ZAP70: variants seen among roughly 807,000 people sequenced by gnomAD.
ZAP70 encodes the protein tyrosine-protein kinase ZAP-70.
ZAP70 carries 27 observed loss-of-function variants against 65.8 expected under a neutral mutation model. The ratio of observed to expected loss-of-function variants is 0.41; its 90% CI spans 0.30 to 0.57. The LOEUF (loss-of-function observed/expected upper bound fraction) is 0.57, where lower values mean the gene tolerates loss of function less well. Ranked by LOEUF, ZAP70 falls within the 20% of genes least tolerant of loss-of-function variation. ZAP70 has a pLI of 0.28. For synonymous variants in ZAP70, 363 were observed against 360.8 expected, an observed-to-expected ratio of 1.01 and a Z score of -0.07; for missense variants, 696 against 870.5, an observed-to-expected ratio of 0.80 and a Z score of 2.52.
intron 3 of ZAP70, chr2:97,724,754 G>C: frequency 6.6e-7 from 1 of 1,505,222 alleles, no homozygotes; most frequent in Non-Finnish European, 8.9e-7. Flanking sequence ...GAGGGTGCGC[G>C]GGGCTAGGGT....
downstream of ZAP70, among the ~76,000 whole-genome samples, chr2:97,742,763 T>G (rs1027949093): frequency 1.1e-4 from 17 of 152,202 alleles, no homozygotes; most frequent in Admixed American, 7.9e-4. Flanking sequence ...AACATCTGCC[T>G]GGGGTGGGGA....
In ZAP70 at chr2:97,737,686, T is replaced by C. The variant is rs765744939; in HGVS notation, c.1482+21T>C. 2 of 1,614,076 alleles carry C rather than the reference T, an allele frequency of 1.2e-6. No homozygotes were observed. The highest frequency in any genetic ancestry group is 2.2e-5 in the South Asian group (2 of 91,080). On this transcript the variant is annotated intron_variant, in intron 11 of 13. Transcript: ENST00000264972. The surrounding 1 kb of genome is among the most constrained non-coding windows in gnomAD (Gnocchi z 5.0). ...ACACTGTAAGCCTCTGCCCCTGTGA[T>C]GCCCGACTGGATGGGCTGGGTGGGT... is the stretch of plus-strand genomic sequence containing the variant.
intron 2 of ZAP70, among the ~76,000 whole-genome samples, chr2:97,719,429 G>A (rs766589018): frequency 2.4e-4 from 36 of 151,788 alleles, no homozygotes; most frequent in Non-Finnish European, 2.6e-4. Context: ...GGTCTGTGGG[G>A]CTCAAGCAGG....
intron 8 of ZAP70, chr2:97,733,900 C>T (rs1677731436): frequency 7.8e-6 from 4 of 515,370 alleles, no homozygotes; most frequent in South Asian, 4.3e-5. Context: ...TATGAGCCAC[C>T]GAACCCTCCT....
At chr2:97,718,263 C>G (rs1677022065) in intron 2 of ZAP70, among the ~76,000 whole-genome samples, 1 of 152,176 alleles carries the variant, frequency 6.6e-6, no homozygotes, top group Non-Finnish European at 1.5e-5. Context: ...GATCCCCTGC[C>G]TGGGGTCTGG....
chr2:97,715,640 G>A lies in ZAP70; in HGVS notation c.-22+1646G>A, dbSNP rs1676878554. The stretch of plus-strand genomic sequence containing the variant: ...CAGGGTCTCCTAATAGACATTTGCT[G>A]GAGTGGTTAGTGCTGGCTGCTGCAT... On this transcript the variant is annotated intron_variant, in intron 2 of 13. Transcript: ENST00000264972. This position sits in a 1 kb window ranked among gnomAD's most constrained non-coding sequence, Gnocchi z 4.1. Among the ~76,000 whole-genome samples the A allele has an allele frequency of 6.6e-6, 1 of 152,180 alleles. No homozygotes were observed. Among genetic ancestry groups the A allele is most frequent in the Admixed American group, 6.5e-5 (1 of 15,282 alleles).
chr2:97,741,290 G>A (rs541709405), downstream of ZAP70, among the ~76,000 whole-genome samples: 11 of 152,242 alleles, frequency 7.2e-5, no homozygotes, highest in Admixed American at 5.9e-4. Flanking sequence ...TTCTCTTGGC[G>A]GCTCTGACCA....
rs141613906 is a variant in ZAP70 at position 97,733,011 on chromosome 2, C to A, written c.692C>A (p.Thr231Lys). The change falls in exon 5 of 14, where the codon ACG (threonine) becomes AAG (lysine). Residue 231 changes from threonine to lysine, a missense_variant. Physicochemically the swap from Thr to Lys is moderately conservative, Grantham distance 78. Around this residue, in one of 3 missense-constraint regions of ZAP70, gnomAD observed 551 missense variants for 630.0 expected, o/e 0.87. Coordinates refer to ENST00000264972, the MANE Select transcript of ZAP70 (RefSeq NM_001079.4). ...ATTCCCGAGGGCACCAAGTTTGACA[C>A]GCTCTGGCAGGTAGGCTGCCCGTGC... is the stretch of plus-strand genomic sequence containing the variant. ...YCIPEGTKFD[T>K]LWQLVEYLKL... 6.2e-7 allele frequency: 1 copy of A among 1,614,138 alleles called. No individual in the cohort carries two copies. Among genetic ancestry groups the A allele is most frequent in the Non-Finnish European group, 8.5e-7 (1 of 1,180,034 alleles).
At chr2:97,741,012 G>A (rs931496967), downstream of ZAP70, among the ~76,000 whole-genome samples, 5 of 152,204 alleles carry the variant, frequency 3.3e-5, no homozygotes, top group African/African-American at 1.2e-4. Flanking sequence ...AGAAACAGGT[G>A]GTGAGAATGT....
rs373266022 is a variant in ZAP70, at chr2:97,733,227, C to A, written c.790+15C>A. ...CAACGCCTCAGGTGACGGCAGCAGG[C>A]GGGCGGGCGGTGGGCGGGGGCGGCA... On this transcript the variant is annotated intron_variant, in intron 6 of 13. Coordinates refer to ENST00000264972, the MANE Select transcript of ZAP70 (RefSeq NM_001079.4). 1.9e-6 allele frequency: 3 copies of A among 1,611,306 alleles called. No individual in the cohort carries two copies. Among genetic ancestry groups the A allele is most frequent in the Non-Finnish European group, 2.5e-6 (3 of 1,178,780 alleles).
At position 97,724,104 on chromosome 2, in the gene ZAP70, A is replaced by G; in HGVS notation, c.68A>G (p.His23Arg). 4 of 1,567,770 alleles carry G rather than the reference A, an allele frequency of 2.6e-6. No homozygotes were observed. The highest frequency in any genetic ancestry group is 3.4e-6 in the Non-Finnish European group (4 of 1,159,682). The change falls in exon 3 of 14, where the codon CAC becomes CGC. Residue 23 changes from histidine (H) to arginine (R), a missense_variant. This residue lies in a region of ZAP70 where 551 missense variants were observed against 630.0 expected (regional missense o/e 0.87). Coordinates refer to ENST00000264972, the MANE Select transcript of ZAP70 (RefSeq NM_001079.4). ...GSISRAEAEE[H>R]LKLAGMADGL... ...ATCTCGCGTGCCGAGGCCGAGGAGC[A>G]CCTGAAGCTGGCGGGCATGGCGGAC...
the ZAP70 span, among the ~76,000 whole-genome samples, chr2:97,754,678 C>T: frequency 6.6e-6 from 1 of 152,208 alleles, no homozygotes; most frequent in East Asian, 1.9e-4. Context: ...GCTGGGACTA[C>T]AGGTGTGAGC....
At chr2:97,738,201 A>AT in intron 13 of ZAP70, 94 bp downstream of exon 13, 1 of 1,258,236 alleles carries the variant, frequency 7.9e-7, no homozygotes, top group Admixed American at 2.0e-5. Flanking sequence ...ACCCAATGTC[A>AT]TCTCACCCAA....
At chr2:97,742,088 G>A (rs1247729477), downstream of ZAP70, among the ~76,000 whole-genome samples, 4 of 152,172 alleles carry the variant, frequency 2.6e-5, no homozygotes, top group African/African-American at 9.7e-5. Context: ...ACAAAGAGAG[G>A]TTTTGGCGGG....
At chr2:97,733,498 G>A (rs370478398) in intron 7 of ZAP70, 46 bp from the exon 8 acceptor site, 5 of 1,612,770 alleles carry the variant, frequency 3.1e-6, no homozygotes, top group African/African-American at 1.3e-5. Context: ...TCATGAGAGG[G>A]GCTGGACGTC....
At position 97,721,580 on chromosome 2, in the gene ZAP70, ATTTTTTTTTTTTTT is replaced by A. The variant is rs796509420; in HGVS notation, c.-21-2424_-21-2411del. ...AGGCGCCCGCCACCATGGCTGGCTG[ATTTTTTTTTTTTTT>A]TTTTTTTTTTTGTATTTTTAGTAGA... is the stretch of plus-strand genomic sequence containing the variant. On this transcript the variant is annotated intron_variant, in intron 2 of 13. Transcript: ENST00000264972. 8.6e-5 allele frequency among the ~76,000 whole-genome samples: 7 copies of A among 81,168 alleles called. No homozygotes were observed. The East Asian group carries it at 1.1e-3, about 13-fold the overall frequency. 53.2% of individuals were successfully genotyped at this position (81,168 alleles called of 152,430 possible).
Position 97,733,030 on chromosome 2 carries a change from C to A in ZAP70, c.702+9C>A, listed in dbSNP as rs780310846. ...TTGACACGCTCTGGCAGGTAGGCTG[C>A]CCGTGCAACTTGTTCTGGGAGATGC... On this transcript the variant is annotated intron_variant, in intron 5 of 13. Coordinates refer to ENST00000264972, the MANE Select transcript of ZAP70 (RefSeq NM_001079.4). The A allele has an allele frequency of 1.5e-5, 25 of 1,613,976 alleles. No individual in the cohort carries two copies. Among genetic ancestry groups the A allele is most frequent in the Admixed American group, 8.3e-5 (5 of 60,002 alleles).
the ZAP70 span, among the ~76,000 whole-genome samples, chr2:97,755,179 C>T: frequency 9.1e-4 from 139 of 152,174 alleles, no homozygotes; most frequent in Non-Finnish European, 8.4e-4. Context: ...TTAAACCAAC[C>T]GATGCGTTGT....
intron 9 of ZAP70, 118 bp downstream of exon 9, chr2:97,734,830 G>A: frequency 1.4e-6 from 2 of 1,393,866 alleles, no homozygotes; most frequent in African/African-American, 1.4e-5. Flanking sequence ...CTGGGAAACA[G>A]ACTCTGGGGC....
Sources: gnomAD v4.1 joint callset for allele counts (sites outside exome capture counted in the v4.1 genomes callset) on GRCh38, gnomAD v4.1.1 for gene constraint, gnomAD v4.1.1 regional missense constraint, Gnocchi (gnomAD v3.1) non-coding constraint, MANE v1.5 for transcripts, NCBI Gene and HGNC (gene_info 2026-07-23, HGNC 2026-07-21) for gene names.